Variants in DMD observed in about 807,000 individuals in gnomAD.
DMD encodes mutant dystrophin.
In DMD, 63 loss-of-function variants were observed where a neutral mutation model predicts 330.1. The observed-to-expected ratio is 0.19, with a 90% CI of 0.16 to 0.24. The LOEUF (loss-of-function observed/expected upper bound fraction) is 0.24. DMD is among the 10% of genes least tolerant of loss of function. The pLI is 1.00. For synonymous variants in DMD, 1,223 were observed against 959.8 expected, an observed-to-expected ratio of 1.27 and a Z score of -5.07; for missense variants, 3,344 against 2,684.1, an observed-to-expected ratio of 1.25 and a Z score of -5.43.
At chrX:31,527,611 C>T (rs912872941) in intron 55 of DMD, among the ~76,000 whole-genome samples, 41 of 111,446 alleles carry the variant, frequency 3.7e-4, no homozygotes, top group African/African-American at 1.3e-3. Context: ...TTTCTGTTGG[C>T]GAGCTTAGTC....
At chrX:32,150,233 G>A (rs1422440260) in intron 44 of DMD, among the ~76,000 whole-genome samples, 3 of 112,236 alleles carry the variant, frequency 2.7e-5, no homozygotes, top group South Asian at 7.4e-4. Context: ...AACGTGGAAA[G>A]TTATGAGGAT....
chrX:31,484,351 T>C (rs1189651308), intron 57 of DMD, among the ~76,000 whole-genome samples: 1 of 112,013 alleles, frequency 8.9e-6, no homozygotes, highest in East Asian at 2.8e-4. Context: ...CCCATGTACA[T>C]ACAGAATACG....
At chrX:31,548,995 A>C (rs1409805695) in intron 55 of DMD, among the ~76,000 whole-genome samples, 1 of 111,197 alleles carries the variant, frequency 9.0e-6, no homozygotes, top group Admixed American at 9.6e-5. Flanking sequence ...GTTAAAACTT[A>C]TGTATGAATG....
At chrX:33,139,463 T>G (rs960418546) in intron 1 of DMD, among the ~76,000 whole-genome samples, 5 of 111,207 alleles carry the variant, frequency 4.5e-5, no homozygotes, top group Non-Finnish European at 3.8e-5. Context: ...TACAGGCACC[T>G]GCCATCACGC....
At chrX:31,595,130 T>C (rs1211292030) in intron 55 of DMD, among the ~76,000 whole-genome samples, 1 of 111,421 alleles carries the variant, frequency 9.0e-6, no homozygotes, top group Non-Finnish European at 1.9e-5. Flanking sequence ...TGTTTTGACA[T>C]AAGCTCACAT....
intron 1 of DMD, among the ~76,000 whole-genome samples, chrX:33,058,406 T>G (rs2094543133): frequency 9.0e-6 from 1 of 110,867 alleles, no homozygotes; most frequent in Admixed American, 9.7e-5. Flanking sequence ...CATCTCAGCC[T>G]CTGGAGTAGC....
intron 41 of DMD, among the ~76,000 whole-genome samples, chrX:32,335,756 A>G (rs1317418707): frequency 1.0e-5 from 1 of 100,248 alleles, no homozygotes; most frequent in Non-Finnish European, 2.1e-5. Flanking sequence ...TATAGGCATA[A>G]CATGTATATA....
chrX:31,873,881 G>A (rs1031025051), intron 48 of DMD, among the ~76,000 whole-genome samples: 8 of 111,599 alleles, frequency 7.2e-5, no homozygotes, highest in Non-Finnish European at 1.3e-4. Context: ...TCTTGGTACT[G>A]TCTTTATTCA....
At position 33,063,943 on chromosome X, in the gene DMD, T is replaced by A. The variant is rs763717619; in HGVS notation, c.32-43743A>T. On this transcript the variant is annotated intron_variant, in intron 1 of 78. Transcript: ENST00000357033. ...TCCTAAGTCCACTTAGAAAATCAGATTTTACATTTTTAATTTTTTCGTGTG... is the reference window on the plus strand; with the variant it reads ...TCCTAAGTCCACTTAGAAAATCAGAATTTACATTTTTAATTTTTTCGTGTG... Among the ~76,000 whole-genome samples the A allele has an allele frequency of 8.0e-5, 9 of 111,886 alleles. No individual in the cohort carries two copies. The South Asian group carries it at 3.4e-3, about 42-fold the overall frequency.
rs1371657714 is a variant in DMD at position 32,245,117 on chromosome X, C to T, written c.6291-28054G>A. ...TAGGTCTAATGTTTAAATCTTTAAT[C>T]CATCTTGAATTGATTTTTGTATAAG... On this transcript the variant is annotated intron_variant, in intron 43 of 78. Coordinates refer to ENST00000357033, the MANE Select transcript of DMD (RefSeq NM_004006.3). Among the ~76,000 whole-genome samples the T allele has an allele frequency of 1.1e-3, 98 of 89,433 alleles. 4 individuals are homozygous for T. Among genetic ancestry groups the T allele is most frequent in the Non-Finnish European group, 1.4e-3 (67 of 47,391 alleles). The allele number at this position is 89,433 out of a possible 115,157, so 77.7% of individuals were successfully genotyped here.
intron 50 of DMD, among the ~76,000 whole-genome samples, chrX:31,808,242 G>T (rs943387075): frequency 5.4e-5 from 6 of 111,672 alleles, no homozygotes; most frequent in Non-Finnish European, 9.4e-5. Context: ...GACCCTCCAG[G>T]AGAGTTAAAC....
chrX:32,806,243 A>G (rs1349444436), intron 7 of DMD, among the ~76,000 whole-genome samples: 1 of 111,890 alleles, frequency 8.9e-6, no homozygotes, highest in African/African-American at 3.3e-5. Context: ...AGGAATATTT[A>G]CCAAGCAAAT....
chrX:32,434,542 C>T (rs1456708760), intron 29 of DMD, among the ~76,000 whole-genome samples: 1 of 112,284 alleles, frequency 8.9e-6, no homozygotes, highest in African/African-American at 3.2e-5. Context: ...TAATGTACAA[C>T]AAGAATTTTT....
intron 55 of DMD, among the ~76,000 whole-genome samples, chrX:31,596,881 C>G (rs1384646219): frequency 1.8e-5 from 2 of 112,096 alleles, no homozygotes; most frequent in African/African-American, 6.5e-5. Flanking sequence ...CTGGGACCTA[C>G]TGAATCAGCA....
intron 44 of DMD, among the ~76,000 whole-genome samples, chrX:32,160,041 T>A (rs1389321194): frequency 9.0e-6 from 1 of 111,322 alleles, no homozygotes; most frequent in Non-Finnish European, 1.9e-5. Context: ...AGTGACATAA[T>A]TGAATTTGCA....
At chrX:32,523,472 T>C (rs538948215) in intron 17 of DMD, among the ~76,000 whole-genome samples, 2 of 112,497 alleles carry the variant, frequency 1.8e-5, no homozygotes, top group African/African-American at 6.5e-5. Context: ...TGTTTGATAG[T>C]AGATCATAAG....
intron 47 of DMD, among the ~76,000 whole-genome samples, chrX:31,903,674 A>G (rs1482406355): frequency 8.9e-6 from 1 of 112,397 alleles, no homozygotes; most frequent in Non-Finnish European, 1.9e-5. Flanking sequence ...AATAAAATGT[A>G]TACTTAAAAT....
chrX:32,919,195 G>C (rs1184350294), intron 2 of DMD, among the ~76,000 whole-genome samples: 1 of 112,066 alleles, frequency 8.9e-6, no homozygotes, highest in Non-Finnish European at 1.9e-5. Flanking sequence ...TGAGAGCAGT[G>C]TGTAAAAGGA....
At position 32,781,010 on chromosome X, in the gene DMD, C is replaced by G. The variant is rs191039859; in HGVS notation, c.649+28483G>C. The stretch of plus-strand genomic sequence containing the variant: ...GCAGGCGCCTGTAGTCCCAGCTACT[C>G]GGGAGGCTGAGGCAGGAGAATAGCG... On this transcript the variant is annotated intron_variant, in intron 7 of 78. Coordinates refer to ENST00000357033, the MANE Select transcript of DMD (RefSeq NM_004006.3). Among the ~76,000 whole-genome samples, 448 of 107,255 alleles carry G rather than the reference C, an allele frequency of 4.2e-3. 3 individuals carry two copies. Among genetic ancestry groups the G allele is most frequent in the African/African-American group, 0.014 (416 of 29,459 alleles). 93.1% of individuals were successfully genotyped at this position (107,255 alleles called of 115,157 possible). A position where few individuals can be genotyped will look rare whatever the true frequency, so the allele number is the denominator to read the frequency against.
Sources: allele counts gnomAD v4.1 joint callset (sites outside exome capture counted in the v4.1 genomes callset), GRCh38; gene constraint gnomAD v4.1.1; transcripts MANE v1.5; gene names NCBI Gene and HGNC (gene_info 2026-07-23, HGNC 2026-07-21).